Variants in ROBO2 observed in about 807,000 individuals in gnomAD.
ROBO2 encodes roundabout homolog 2.
Under a neutral mutation model 160.8 loss-of-function variants are expected in ROBO2, and 53 were observed. The ratio of observed to expected loss-of-function variants is 0.33; its 90% CI spans 0.26 to 0.41. The LOEUF (loss-of-function observed/expected upper bound fraction) is 0.41, where lower values mean the gene tolerates loss of function less well. Ranked by LOEUF, ROBO2 falls within the 10% of genes least tolerant of loss-of-function variation. The pLI is 1.00. For synonymous variants in ROBO2, 664 were observed against 611.7 expected (o/e 1.09, Z -1.26); for missense variants, 1,577 against 1,722.4 (o/e 0.92, Z 1.49).
intron 2 of ROBO2, among the ~76,000 whole-genome samples, chr3:76,457,864 T>G (rs2106688857): frequency 6.6e-6 from 1 of 152,300 alleles, no homozygotes; most frequent in African/African-American, 2.4e-5. Flanking sequence ...AAGCTGTACC[T>G]TGGCCCCTTT....
At chr3:76,323,657 A>T (rs1055123788) in intron 2 of ROBO2, among the ~76,000 whole-genome samples, 1 of 152,246 alleles carries the variant, frequency 6.6e-6, no homozygotes, top group Non-Finnish European at 1.5e-5. Flanking sequence ...CAAACTTGGA[A>T]TTGAATGAGC....
chr3:76,090,394 C>T (rs946587481), intron 2 of ROBO2, among the ~76,000 whole-genome samples: 3 of 152,000 alleles, frequency 2.0e-5, no homozygotes, highest in Non-Finnish European at 4.4e-5. Flanking sequence ...CCACCGCACT[C>T]CAGCCTGGGT....
intron 2 of ROBO2, among the ~76,000 whole-genome samples, chr3:77,303,534 A>G (rs747186092): frequency 3.3e-5 from 5 of 152,174 alleles, no homozygotes; most frequent in Admixed American, 1.3e-4. Context: ...GACTTATGAA[A>G]TAATATATAT....
At chr3:76,153,085 C>T (rs191215606) in intron 2 of ROBO2, among the ~76,000 whole-genome samples, 126 of 152,116 alleles carry the variant, frequency 8.3e-4, no homozygotes, top group South Asian at 2.7e-3. Context: ...TAATAGTAAA[C>T]AAATAAATCT....
chr3:76,536,558 A>G (rs935032170), intron 2 of ROBO2, among the ~76,000 whole-genome samples: 2 of 151,988 alleles, frequency 1.3e-5, no homozygotes, highest in Non-Finnish European at 2.9e-5. Flanking sequence ...CCCTTCAACT[A>G]GGCAAGAGAC....
chr3:76,314,258 TACATTGCTG>T (rs1336863450), intron 2 of ROBO2, among the ~76,000 whole-genome samples: 2 of 152,202 alleles, frequency 1.3e-5, no homozygotes, highest in African/African-American at 4.8e-5. Flanking sequence ...AAATCTTAAC[TACATTGCTG>T]ACATTTTCTT....
chr3:76,783,562 T>G (rs1034306449), intron 2 of ROBO2, among the ~76,000 whole-genome samples: 4 of 150,296 alleles, frequency 2.7e-5, no homozygotes, highest in African/African-American at 7.3e-5. Context: ...AACACTCTCC[T>G]GCTCTGTAAG....
At chr3:76,211,524 A>T (rs1214135355) in intron 2 of ROBO2, among the ~76,000 whole-genome samples, 1 of 152,104 alleles carries the variant, frequency 6.6e-6, no homozygotes, top group Non-Finnish European at 1.5e-5. Flanking sequence ...AAAATGATTG[A>T]GTTAACACAT....
intron 2 of ROBO2, among the ~76,000 whole-genome samples, chr3:76,741,410 A>G (rs965118206): frequency 9.9e-5 from 15 of 152,102 alleles, no homozygotes; most frequent in Admixed American, 1.3e-4. Flanking sequence ...TTATTAAAGT[A>G]GCCAGATAAA....
chr3:76,236,997 A>G (rs1026697581), intron 2 of ROBO2, among the ~76,000 whole-genome samples: 1 of 152,142 alleles, frequency 6.6e-6, no homozygotes, highest in African/African-American at 2.4e-5. Flanking sequence ...GGATTGGTTA[A>G]TAGAGTAGAA....
At chr3:77,239,328 C>A (rs1442778468) in intron 2 of ROBO2, among the ~76,000 whole-genome samples, 1 of 151,846 alleles carries the variant, frequency 6.6e-6, no homozygotes, top group Admixed American at 6.6e-5. Flanking sequence ...TCGTTCCTCC[C>A]GTCCAGAGTT....
intron 2 of ROBO2, among the ~76,000 whole-genome samples, chr3:76,165,911 G>C (rs368846848): frequency 1.3e-5 from 2 of 152,090 alleles, no homozygotes; most frequent in Non-Finnish European, 2.9e-5. Context: ...CAGTGGAATA[G>C]TTAGAACACA....
intron 2 of ROBO2, among the ~76,000 whole-genome samples, chr3:76,351,526 A>G (rs1025493732): frequency 1.5e-4 from 23 of 151,902 alleles, no homozygotes; most frequent in Non-Finnish European, 2.8e-4. Flanking sequence ...ATCTGAATAT[A>G]TATTTTTTCA....
intron 2 of ROBO2, among the ~76,000 whole-genome samples, chr3:77,023,080 G>T (rs746029993): frequency 6.6e-6 from 1 of 152,160 alleles, no homozygotes; most frequent in Non-Finnish European, 1.5e-5. Flanking sequence ...AACTTGAAAT[G>T]TGTCTCCCAG....
intron 2 of ROBO2, among the ~76,000 whole-genome samples, chr3:76,180,269 G>C (rs180900528): frequency 1.3e-5 from 2 of 152,262 alleles, no homozygotes; most frequent in Admixed American, 1.3e-4. Context: ...AGAGTACTTT[G>C]TGTAATGAAA....
intron 2 of ROBO2, among the ~76,000 whole-genome samples, chr3:76,916,224 A>T (rs894539673): frequency 2.6e-5 from 4 of 152,238 alleles, no homozygotes; most frequent in Admixed American, 2.0e-4. Context: ...CATGAACTAC[A>T]TGAATATCTG....
chr3:76,398,719 C>T (rs1263105354), intron 2 of ROBO2, among the ~76,000 whole-genome samples: 1 of 151,436 alleles, frequency 6.6e-6, no homozygotes, highest in African/African-American at 2.4e-5. Context: ...ATATTCTAAA[C>T]TAAATATACT....
intron 2 of ROBO2, among the ~76,000 whole-genome samples, chr3:76,788,700 T>A (rs981873192): frequency 5.3e-5 from 8 of 151,702 alleles, no homozygotes; most frequent in African/African-American, 1.9e-4. Flanking sequence ...AGTAGAAATT[T>A]TTTATTATTC....
chr3:77,133,978 A>C (rs1481700432), intron 2 of ROBO2, among the ~76,000 whole-genome samples: 9 of 152,190 alleles, frequency 5.9e-5, no homozygotes, highest in Non-Finnish European at 2.9e-5. Flanking sequence ...GAAACATAAA[A>C]ACAATCTAAC....
Sources: gnomAD v4.1 joint callset for allele counts (sites outside exome capture counted in the v4.1 genomes callset) on GRCh38, gnomAD v4.1.1 for gene constraint, MANE v1.5 for transcripts, NCBI Gene and HGNC (gene_info 2026-07-23, HGNC 2026-07-21) for gene names.